Variants in RBPMS observed in about 807,000 individuals in gnomAD.
The protein encoded by RBPMS is RNA binding protein, mRNA processing factor.
In RBPMS, 7 loss-of-function variants were observed where a neutral mutation model predicts 26.8. The ratio of observed to expected loss-of-function variants is 0.26; its 90% CI spans 0.15 to 0.49. The LOEUF is 0.49. Ranked by LOEUF, RBPMS falls within the 20% of genes least tolerant of loss-of-function variation. The pLI is 0.98. For synonymous variants in RBPMS, 96 were observed against 93.3 expected (o/e 1.03, Z -0.17); for missense variants, 186 against 250.0 (o/e 0.74, Z 1.73).
intron 6 of RBPMS, among the ~76,000 whole-genome samples, chr8:30,550,850 G>A (rs1360919286): frequency 6.6e-6 from 1 of 152,198 alleles, no homozygotes; most frequent in African/African-American, 2.4e-5. Flanking sequence ...GAATCCCAGC[G>A]ACGGAATGGC....
At chr8:30,557,312 G>C (rs775282390) in intron 6 of RBPMS, among the ~76,000 whole-genome samples, 1 of 152,200 alleles carries the variant, frequency 6.6e-6, no homozygotes, top group African/African-American at 2.4e-5. Context: ...CCTTGTGCTC[G>C]GACCAGGGAC....
At chr8:30,563,246 G>A (rs1213573144) in intron 7 of RBPMS, among the ~76,000 whole-genome samples, 2 of 152,244 alleles carry the variant, frequency 1.3e-5, no homozygotes, top group African/African-American at 4.8e-5. Flanking sequence ...CTGATGGATG[G>A]TGTTGAGTTT....
At chr8:30,523,975 A>G (rs1460214275) in intron 5 of RBPMS, among the ~76,000 whole-genome samples, 1 of 152,144 alleles carries the variant, frequency 6.6e-6, no homozygotes, top group Non-Finnish European at 1.5e-5. Flanking sequence ...TCAACATTCA[A>G]TATGTTCCCT....
At chr8:30,488,064 AC>A (rs1388470181) in intron 4 of RBPMS, among the ~76,000 whole-genome samples, 1 of 152,156 alleles carries the variant, frequency 6.6e-6, no homozygotes, top group Non-Finnish European at 1.5e-5. Flanking sequence ...TCTACTATAA[AC>A]CTATGACCAA....
intron 1 of RBPMS, among the ~76,000 whole-genome samples, chr8:30,409,619 T>C (rs1191578620): frequency 2.0e-5 from 3 of 152,234 alleles, no homozygotes; most frequent in Admixed American, 1.3e-4. Flanking sequence ...TGCGTCCTAA[T>C]ACATTCTTTA....
intron 5 of RBPMS, among the ~76,000 whole-genome samples, chr8:30,543,224 A>G (rs1361026879): frequency 6.6e-6 from 1 of 152,216 alleles, no homozygotes; most frequent in Non-Finnish European, 1.5e-5. Context: ...AGCTCGTGCC[A>G]TGCAAGCTGG....
At chr8:30,425,396 G>A (rs555744754) in intron 1 of RBPMS, among the ~76,000 whole-genome samples, 213 of 151,628 alleles carry the variant, frequency 1.4e-3, no homozygotes, top group Non-Finnish European at 2.0e-3. Flanking sequence ...GATATGTAGC[G>A]TAATTTTAAT....
intron 4 of RBPMS, among the ~76,000 whole-genome samples, chr8:30,495,316 T>A (rs1819824061): frequency 6.7e-6 from 1 of 150,172 alleles, no homozygotes; most frequent in Admixed American, 6.7e-5. Context: ...GGGTTAAAAA[T>A]CAAAACTGAC....
chr8:30,464,846 T>A (rs1238353847), intron 1 of RBPMS, among the ~76,000 whole-genome samples: 1 of 152,232 alleles, frequency 6.6e-6, no homozygotes, highest in African/African-American at 2.4e-5. Context: ...AAAGTCTTTA[T>A]TGTGGTGATC....
intron 6 of RBPMS, chr8:30,545,065 G>A: frequency 7.2e-7 from 1 of 1,384,686 alleles, no homozygotes; most frequent in Admixed American, 2.6e-5. Context: ...TGTACGGTGA[G>A]AAGAATCTCT....
chr8:30,561,218 A>T (rs1827454474), intron 7 of RBPMS, among the ~76,000 whole-genome samples: 1 of 152,178 alleles, frequency 6.6e-6, no homozygotes, highest in African/African-American at 2.4e-5. Flanking sequence ...TATATCTGAG[A>T]TATAGTCTAG....
chr8:30,453,161 C>T (rs1198502064), intron 1 of RBPMS, among the ~76,000 whole-genome samples: 1 of 152,140 alleles, frequency 6.6e-6, no homozygotes, highest in Non-Finnish European at 1.5e-5. Context: ...ATCCAGGATT[C>T]TTCACTTTAA....
At chr8:30,389,586 AT>A (rs1330057184) in intron 1 of RBPMS, among the ~76,000 whole-genome samples, 1 of 152,134 alleles carries the variant, frequency 6.6e-6, no homozygotes, top group Non-Finnish European at 1.5e-5. Flanking sequence ...TAGTACCTTT[AT>A]TTTTAGAAAT....
intron 1 of RBPMS, among the ~76,000 whole-genome samples, chr8:30,465,432 CT>C (rs1025010073): frequency 6.6e-6 from 1 of 152,182 alleles, no homozygotes; most frequent in Non-Finnish European, 1.5e-5. Flanking sequence ...CACTTTTTCT[CT>C]TTTCCTTTTA....
At chr8:30,498,489 C>T (rs1165560017) in intron 4 of RBPMS, among the ~76,000 whole-genome samples, 3 of 152,162 alleles carry the variant, frequency 2.0e-5, no homozygotes, top group African/African-American at 7.2e-5. Context: ...TGGGGAGAGA[C>T]TCCAAATTGA....
At chr8:30,519,454 CTCTCTTTTTTTTTT>C (rs1822772105) in intron 5 of RBPMS, among the ~76,000 whole-genome samples, 1 of 123,476 alleles carries the variant, frequency 8.1e-6, no homozygotes, top group African/African-American at 3.3e-5. Context: ...GGGAGGATCT[CTCTCTTTTTTTTTT>C]TTTTTTTTTT....
chr8:30,537,363 A>G (rs757821941), intron 5 of RBPMS, among the ~76,000 whole-genome samples: 2 of 152,150 alleles, frequency 1.3e-5, no homozygotes, highest in Non-Finnish European at 2.9e-5. Context: ...TTGCTTTTGG[A>G]ATTTCCTTGG....
intron 6 of RBPMS, among the ~76,000 whole-genome samples, chr8:30,549,873 CAG>C (rs1350072599): frequency 2.8e-5 from 4 of 143,946 alleles, no homozygotes; most frequent in African/African-American, 1.0e-4. Flanking sequence ...TTTTCTGAGG[CAG>C]AGTCTCGCTC....
intron 5 of RBPMS, among the ~76,000 whole-genome samples, chr8:30,527,702 G>A (rs1400992288): frequency 6.6e-6 from 1 of 152,102 alleles, no homozygotes; most frequent in Non-Finnish European, 1.5e-5. Flanking sequence ...AAACTTGGAG[G>A]GGATCCAGCA....
Sources: gnomAD v4.1 joint callset for allele counts (sites outside exome capture counted in the v4.1 genomes callset) on GRCh38, gnomAD v4.1.1 for gene constraint, MANE v1.5 for transcripts, NCBI Gene and HGNC (gene_info 2026-07-23, HGNC 2026-07-21) for gene names.